Variants in CCDC148 observed in about 807,000 individuals in gnomAD.
CCDC148 encodes coiled-coil domain containing 148, also known as coiled-coil domain-containing protein 148.
Under a neutral mutation model 85.7 loss-of-function variants are expected in CCDC148, and 89 were observed. The ratio of observed to expected loss-of-function variants is 1.04; its 90% CI spans 0.87 to 1.24. The LOEUF is 1.24. CCDC148 is among the 50% of genes most tolerant of loss of function. CCDC148 has a pLI of 0.00. For missense variants in CCDC148, 692 were observed against 671.7 expected, an observed-to-expected ratio of 1.03 and a Z score of -0.33; for synonymous variants, 230 against 213.9, an observed-to-expected ratio of 1.08 and a Z score of -0.66.
rs1688764735 is a variant in CCDC148, at chr2:158,456,622, G to A, written c.-183C>T. On this transcript the variant is annotated 5_prime_UTR_variant, in exon 1 of 14. Coordinates refer to ENST00000283233, the MANE Select transcript of CCDC148 (RefSeq NM_138803.4). ...AGTAAGGCAAGGAAAGCCTGCCCCA[G>A]ATTTCAGAGCCAGCGCTGGGGAATC... 1.4e-6 allele frequency: 1 copy of A among 726,468 alleles called. No individual in the cohort carries two copies. The highest frequency in any genetic ancestry group is 3.0e-5 in the Admixed American group (1 of 33,468). The allele number at this position is 726,468 out of a possible 1,614,324, so 45.0% of individuals were successfully genotyped here.
At chr2:158,208,400 C>T (rs550174885) in intron 11 of CCDC148, among the ~76,000 whole-genome samples, 1 of 152,296 alleles carries the variant, frequency 6.6e-6, no homozygotes, top group South Asian at 2.1e-4. Context: ...CCACTGTAAG[C>T]TGAGGCCTGA....
intron 1 of CCDC148, among the ~76,000 whole-genome samples, chr2:158,448,355 T>TA (rs1017296173): frequency 1.3e-5 from 2 of 151,952 alleles, no homozygotes; most frequent in Non-Finnish European, 2.9e-5. Flanking sequence ...ATTTTTTTTT[T>TA]ATTTATTTTT....
At chr2:158,220,483 A>C (rs1687115797) in intron 11 of CCDC148, 112 bp downstream of exon 11, 6 of 687,448 alleles carry the variant, frequency 8.7e-6, no homozygotes, top group Admixed American at 2.7e-5. Context: ...TAAATATTGA[A>C]AGGATACATT....
intron 11 of CCDC148, among the ~76,000 whole-genome samples, chr2:158,198,480 C>G (rs764498563): frequency 6.6e-6 from 1 of 152,186 alleles, no homozygotes; most frequent in Non-Finnish European, 1.5e-5. Context: ...AATGGCCCAA[C>G]TTCATGGTCA....
chr2:158,405,560 G>A (rs999128361), intron 1 of CCDC148, among the ~76,000 whole-genome samples: 2 of 150,214 alleles, frequency 1.3e-5, no homozygotes, highest in Non-Finnish European at 3.0e-5. Flanking sequence ...TGCAAAAGAA[G>A]ATAGAGCAAA....
At chr2:158,246,511 T>G (rs1424372294) in intron 10 of CCDC148, among the ~76,000 whole-genome samples, 1 of 151,890 alleles carries the variant, frequency 6.6e-6, no homozygotes, top group Admixed American at 6.6e-5. Flanking sequence ...ACTGCCCCAG[T>G]GCCAAAAATA....
chr2:158,298,755 T>C (rs1691311364), intron 9 of CCDC148, among the ~76,000 whole-genome samples: 1 of 152,238 alleles, frequency 6.6e-6, no homozygotes, highest in Admixed American at 6.5e-5. Flanking sequence ...ATACATATTT[T>C]CATTCATTTT....
intron 1 of CCDC148, among the ~76,000 whole-genome samples, chr2:158,367,238 G>C (rs1247584435): frequency 6.6e-6 from 1 of 152,134 alleles, no homozygotes; most frequent in South Asian, 2.1e-4. Context: ...TATAACACAA[G>C]TACCAGGCAA....
intron 1 of CCDC148, among the ~76,000 whole-genome samples, chr2:158,372,777 C>T (rs1407130152): frequency 6.6e-6 from 1 of 152,000 alleles, no homozygotes; most frequent in Non-Finnish European, 1.5e-5. Flanking sequence ...ACTCCCTGAC[C>T]TACCAAATGG....
At chr2:158,265,305 T>A (rs1689407998) in intron 9 of CCDC148, among the ~76,000 whole-genome samples, 1 of 152,148 alleles carries the variant, frequency 6.6e-6, no homozygotes, top group Non-Finnish European at 1.5e-5. Context: ...ACAGAACTAA[T>A]GCAACCAACC....
chr2:158,383,856 TG>T (rs1379252501), intron 1 of CCDC148, among the ~76,000 whole-genome samples: 1 of 152,210 alleles, frequency 6.6e-6, no homozygotes, highest in Non-Finnish European at 1.5e-5. Flanking sequence ...TTTTGCCAAC[TG>T]TTTCAATAAT....
chr2:158,182,469 C>A (rs1178135891), intron 11 of CCDC148, among the ~76,000 whole-genome samples: 1 of 152,048 alleles, frequency 6.6e-6, no homozygotes, highest in Non-Finnish European at 1.5e-5. Flanking sequence ...TCATTGGTGA[C>A]CTTGGTGAGA....
intron 10 of CCDC148, among the ~76,000 whole-genome samples, chr2:158,226,611 T>C (rs934177600): frequency 2.6e-5 from 4 of 152,154 alleles, no homozygotes; most frequent in Non-Finnish European, 5.9e-5. Context: ...TCCACCATGA[T>C]CAAGTGGGCA....
intron 9 of CCDC148, among the ~76,000 whole-genome samples, chr2:158,281,654 G>C (rs1416629789): frequency 6.6e-6 from 1 of 152,058 alleles, no homozygotes; most frequent in East Asian, 1.9e-4. Context: ...CAACCAAAAA[G>C]AGTCCAGGAC....
intron 7 of CCDC148, among the ~76,000 whole-genome samples, chr2:158,326,375 C>T (rs78777405): frequency 0.018 from 2,725 of 152,278 alleles, 37 homozygotes; most frequent in Non-Finnish European, 0.029. Context: ...TGTATTTTTT[C>T]ATAGCACTTA....
intron 9 of CCDC148, among the ~76,000 whole-genome samples, chr2:158,275,719 T>C (rs1574522453): frequency 8.3e-6 from 1 of 120,024 alleles, no homozygotes; most frequent in South Asian, 3.2e-4. Flanking sequence ...AGATTCTTGA[T>C]GGGAAAAATT....
intron 1 of CCDC148, among the ~76,000 whole-genome samples, chr2:158,437,038 T>C (rs568400811): frequency 6.6e-6 from 1 of 152,314 alleles, no homozygotes; most frequent in East Asian, 1.9e-4. Context: ...AGACAAATTC[T>C]AGCAGAGGTA....
At chr2:158,377,183 T>C (rs1290562221) in intron 1 of CCDC148, among the ~76,000 whole-genome samples, 2 of 151,184 alleles carry the variant, frequency 1.3e-5, no homozygotes, top group Non-Finnish European at 2.9e-5. Context: ...CTATGAAAAC[T>C]AGGGGAAGTG....
At chr2:158,222,292 C>A (rs182237747) in intron 10 of CCDC148, among the ~76,000 whole-genome samples, 162 of 152,268 alleles carry the variant, frequency 1.1e-3, no homozygotes, top group Admixed American at 9.1e-4. Flanking sequence ...AGGTTGCTGG[C>A]ATCCTCAGAT....
Sources: gnomAD v4.1 joint callset for allele counts (sites outside exome capture counted in the v4.1 genomes callset) on GRCh38, gnomAD v4.1.1 for gene constraint, MANE v1.5 for transcripts, NCBI Gene and HGNC (gene_info 2026-07-23, HGNC 2026-07-21) for gene names.